Variants in TPH2 observed in about 807,000 individuals in gnomAD.
TPH2 encodes tryptophan hydroxylase 2, also known as tryptophan 5-hydroxylase 2.
Under a neutral mutation model 59.1 loss-of-function variants are expected in TPH2, and 27 were observed. That is an observed-to-expected ratio of 0.46 (90% CI 0.34 to 0.63). TPH2 has a LOEUF of 0.63. Ranked by LOEUF, TPH2 falls within the 30% of genes least tolerant of loss-of-function variation. The pLI, the probability that TPH2 is intolerant of heterozygous loss-of-function variation, is 0.01. For missense variants in TPH2, 523 were observed against 588.3 expected (o/e 0.89, Z 1.15); for synonymous variants, 220 against 210.5 (o/e 1.05, Z -0.39).
chr12:71,944,975 T>C (rs542164840), intron 4 of TPH2, among the ~76,000 whole-genome samples: 1 of 152,290 alleles, frequency 6.6e-6, no homozygotes, highest in South Asian at 2.1e-4. Flanking sequence ...GCCTGAAATA[T>C]ACCTGCAGAT....
intron 5 of TPH2, among the ~76,000 whole-genome samples, chr12:71,959,530 G>T (rs894719836): frequency 3.9e-5 from 6 of 152,212 alleles, no homozygotes; most frequent in Non-Finnish European, 7.3e-5. Context: ...GCAACTTGCA[G>T]AAAAATAACT....
intron 9 of TPH2, among the ~76,000 whole-genome samples, chr12:72,023,490 A>G (rs1873479951): frequency 6.6e-6 from 1 of 152,138 alleles, no homozygotes; most frequent in Admixed American, 6.5e-5. Context: ...AGTGCCAGGT[A>G]CTATGGCAGT....
chr12:71,947,227 A>T (rs913672572), intron 4 of TPH2, among the ~76,000 whole-genome samples: 1 of 152,092 alleles, frequency 6.6e-6, no homozygotes, highest in Non-Finnish European at 1.5e-5. Flanking sequence ...GTGGAGAATT[A>T]AAAAATACTG....
chr12:72,013,222 TAA>T (rs2139237105), intron 8 of TPH2, among the ~76,000 whole-genome samples: 1 of 152,346 alleles, frequency 6.6e-6, no homozygotes, highest in East Asian at 1.9e-4. Flanking sequence ...GTTCTTAACC[TAA>T]GACAATGTAT....
intron 7 of TPH2, among the ~76,000 whole-genome samples, chr12:71,991,773 A>T (rs1387883699): frequency 6.6e-6 from 1 of 152,120 alleles, no homozygotes; most frequent in Non-Finnish European, 1.5e-5. Flanking sequence ...TTACCCATCT[A>T]CCTCTCAGTC....
chr12:71,959,819 T>C (rs990107535), intron 5 of TPH2, among the ~76,000 whole-genome samples: 1 of 152,176 alleles, frequency 6.6e-6, no homozygotes, highest in Non-Finnish European at 1.5e-5. Flanking sequence ...TTGCAAGTTT[T>C]TCTTTTTAAT....
At chr12:71,980,184 CCCTGAGGCTG>C (rs1452092040) in intron 7 of TPH2, among the ~76,000 whole-genome samples, 3 of 152,106 alleles carry the variant, frequency 2.0e-5, no homozygotes, top group African/African-American at 7.2e-5. Flanking sequence ...AAAACAAAGA[CCCTGAGGCTG>C]GGAGCTCTGG....
chr12:71,998,862 A>G (rs1872755249), intron 8 of TPH2, among the ~76,000 whole-genome samples: 1 of 152,228 alleles, frequency 6.6e-6, no homozygotes, highest in Non-Finnish European at 1.5e-5. Context: ...CATGGAAATC[A>G]CTATTTATGC....
At chr12:72,009,863 T>C (rs1873054322) in intron 8 of TPH2, among the ~76,000 whole-genome samples, 1 of 152,206 alleles carries the variant, frequency 6.6e-6, no homozygotes, top group Non-Finnish European at 1.5e-5. Flanking sequence ...TCAGTCACTC[T>C]GGGGACAGAA....
At chr12:71,949,716 A>T in intron 5 of TPH2, 61 bp downstream of exon 5, 1 of 1,390,958 alleles carries the variant, frequency 7.2e-7, no homozygotes. Context: ...ATGCTGTGTT[A>T]AACAAACCTG....
At chr12:72,026,134 C>A (rs1873562229) in intron 9 of TPH2, among the ~76,000 whole-genome samples, 1 of 151,876 alleles carries the variant, frequency 6.6e-6, no homozygotes, top group East Asian at 1.9e-4. Flanking sequence ...AAGCAAAAGG[C>A]AATTTCTACT....
intron 7 of TPH2, 125 bp from the exon 8 acceptor site, chr12:71,994,314 T>C (rs757986221): frequency 3.2e-5 from 33 of 1,016,064 alleles, no homozygotes; most frequent in Non-Finnish European, 4.7e-5. Flanking sequence ...AGTCCCAGCA[T>C]TGATGAACTG....
chr12:72,015,084 G>A (rs188407732), intron 8 of TPH2, among the ~76,000 whole-genome samples: 4 of 152,246 alleles, frequency 2.6e-5, no homozygotes, highest in Admixed American at 2.0e-4. Context: ...CTTGCTGCTT[G>A]TAAACTGACA....
chr12:71,995,044 A>G (rs1043368571), intron 8 of TPH2, among the ~76,000 whole-genome samples: 1 of 152,178 alleles, frequency 6.6e-6, no homozygotes, highest in African/African-American at 2.4e-5. Context: ...TAGGGGTTGC[A>G]CCTGAAACTC....
chr12:72,022,188 T>C (rs544786447), intron 8 of TPH2, among the ~76,000 whole-genome samples: 1 of 152,352 alleles, frequency 6.6e-6, no homozygotes, highest in African/African-American at 2.4e-5. Flanking sequence ...GTAAGACTCT[T>C]AGTAGTTAAT....
At chr12:72,003,595 C>G (rs1037602835) in intron 8 of TPH2, among the ~76,000 whole-genome samples, 3 of 152,184 alleles carry the variant, frequency 2.0e-5, no homozygotes, top group Non-Finnish European at 4.4e-5. Context: ...GCTACACTTT[C>G]TGCTGACTAA....
intron 7 of TPH2, among the ~76,000 whole-genome samples, chr12:71,992,020 A>T (rs989588478): frequency 3.3e-5 from 5 of 152,170 alleles, no homozygotes; most frequent in Non-Finnish European, 1.5e-5. Context: ...AGCCTGATTG[A>T]ATTAGTCTAA....
At chr12:71,954,628 G>C (rs1297930392) in intron 5 of TPH2, among the ~76,000 whole-genome samples, 4 of 152,152 alleles carry the variant, frequency 2.6e-5, no homozygotes, top group Non-Finnish European at 5.9e-5. Context: ...TGTTAGGTTT[G>C]TCTGAAACTG....
At chr12:72,023,072 T>C (rs1873466240) in intron 9 of TPH2, among the ~76,000 whole-genome samples, 1 of 152,062 alleles carries the variant, frequency 6.6e-6, no homozygotes, top group African/African-American at 2.4e-5. Context: ...TGTTTTAAAA[T>C]ACAATAAAAT....
Sources: allele counts gnomAD v4.1 joint callset (sites outside exome capture counted in the v4.1 genomes callset), GRCh38; gene constraint gnomAD v4.1.1; transcripts MANE v1.5; gene names NCBI Gene and HGNC (gene_info 2026-07-23, HGNC 2026-07-21).